Variants in PYHIN1 observed in about 807,000 individuals in gnomAD.
PYHIN1 encodes pyrin and HIN domain-containing protein 1.
In PYHIN1, 32 loss-of-function variants were observed where a neutral mutation model predicts 43.7. That is an observed-to-expected ratio of 0.73 (90% CI 0.55 to 0.98). The LOEUF (loss-of-function observed/expected upper bound fraction) is 0.98. Ranked by LOEUF, PYHIN1 falls within the 50% of genes least tolerant of loss-of-function variation. The probability of loss-of-function intolerance (pLI) is 0.00; values close to 1 mark genes in which losing one functional copy is unlikely to be tolerated. For synonymous variants in PYHIN1, 205 were observed against 203.1 expected, an observed-to-expected ratio of 1.01 and a Z score of -0.08; for missense variants, 588 against 589.5, an observed-to-expected ratio of 1.00 and a Z score of 0.03.
rs182205158 is a variant in PYHIN1 at position 158,970,731 on chromosome 1, A to G, written c.1360-2916A>G. Among the ~76,000 whole-genome samples, 35 of 152,148 alleles carry G rather than the reference A, an allele frequency of 2.3e-4. No individual in the cohort carries two copies. In the East Asian group the frequency reaches 5.0e-3, roughly 22 times the overall value. On this transcript the variant is annotated intron_variant, in intron 7 of 8. Transcript: ENST00000368140. ...ATCTGTGAATAGAGCAAACACACAAACACTGCATATACTATAACAATGAAA... is the reference window on the plus strand; with the variant it reads ...ATCTGTGAATAGAGCAAACACACAAGCACTGCATATACTATAACAATGAAA...
chr1:158,955,839 AATTG>A (rs1649885453), intron 7 of PYHIN1, among the ~76,000 whole-genome samples: 1 of 79,146 alleles, frequency 1.3e-5, no homozygotes, highest in Non-Finnish European at 2.8e-5. Context: ...GGATCAACAA[AATTG>A]ATAGACCGCT....
intron 7 of PYHIN1, among the ~76,000 whole-genome samples, chr1:158,955,383 A>G (rs1467762473): frequency 1.3e-5 from 2 of 149,912 alleles, no homozygotes; most frequent in Non-Finnish European, 3.0e-5. Context: ...GTAAAAGAAC[A>G]GAAATTATAA....
At chr1:158,944,808 C>A in intron 6 of PYHIN1, 67 bp from the exon 7 acceptor site, 1 of 1,182,528 alleles carries the variant, frequency 8.5e-7, no homozygotes, top group Non-Finnish European at 1.1e-6. Context: ...GATATTCTCA[C>A]ATATTTAAAG....
chr1:158,973,533 A>C, intron 7 of PYHIN1, 114 bp from the exon 8 acceptor site: 1 of 1,007,132 alleles, frequency 9.9e-7, no homozygotes, highest in Non-Finnish European at 1.5e-6. Flanking sequence ...ACACACACAC[A>C]CACATATACA....
In PYHIN1 at chr1:158,938,537, C is replaced by G; in HGVS notation, c.406C>G (p.Pro136Ala). ...TAAAGGAGCAGAGGAGACTCTTGGA[C>G]CTCAGGTAAGCTTCAGGAAGAGGAG... ...TAKGAEETLG[P>A]QKRKKPSEEE... is the part of the protein sequence containing the mutation. The change falls in exon 3 of 9, where the codon CCT (proline) becomes GCT (alanine). Residue 136 changes from proline to alanine, a missense_variant. By Grantham distance (27) the Pro-to-Ala change is conservative. Transcript: ENST00000368140. 6.2e-7 allele frequency: 1 copy of G among 1,614,010 alleles called. No individual in the cohort carries two copies. The highest frequency in any genetic ancestry group is 8.5e-7 in the Non-Finnish European group (1 of 1,179,956).
rs75523954 is a variant in PYHIN1, at chr1:158,939,277, A to G, written c.579+30A>G. Reference sequence around the variant, plus strand: ...ACTCTTCCTGGTCCCCTTTTGATTCATTTTCTTCAACCCAAAATGTAGGAA... The same window carrying G: ...ACTCTTCCTGGTCCCCTTTTGATTCGTTTTCTTCAACCCAAAATGTAGGAA... On this transcript the variant is annotated intron_variant, in intron 4 of 8. Coordinates refer to ENST00000368140, the MANE Select transcript of PYHIN1 (RefSeq NM_152501.5). 2,154 of 1,581,526 alleles carry G rather than the reference A, an allele frequency of 1.4e-3. 26 individuals carry two copies. The African/African-American group carries it at 0.026, about 19-fold the overall frequency.
chr1:158,963,257 C>G (rs1446400353), intron 7 of PYHIN1, among the ~76,000 whole-genome samples: 1 of 152,288 alleles, frequency 6.6e-6, no homozygotes, highest in Non-Finnish European at 1.5e-5. Context: ...CAGTCTATCT[C>G]TCTTGTGACC....
Position 158,956,555 on chromosome 1 carries a change from C to G in PYHIN1, c.1359+11513C>G, listed in dbSNP as rs915209207. Among the ~76,000 whole-genome samples the G allele has an allele frequency of 9.2e-5, 14 of 151,696 alleles. No homozygotes were observed. The South Asian group carries it at 1.3e-3, about 14-fold the overall frequency. ...AAAGCCTTTGACAAAATTCAACAAC[C>G]CTTCATGCTAAAAACTCTCAATAAA... On this transcript the variant is annotated intron_variant, in intron 7 of 8. Transcript: ENST00000368140.
In PYHIN1 at chr1:158,939,205, C is replaced by G. The variant is rs1168706524; in HGVS notation, c.537C>G (p.Pro179=). 2 of 1,611,138 alleles carry G rather than the reference C, an allele frequency of 1.2e-6. No individual in the cohort carries two copies. Among genetic ancestry groups the G allele is most frequent in the South Asian group, 2.2e-5 (2 of 90,232 alleles). ...TSTAMGRSPP[P]QTSSSAPPNT... ...CAGCCATGGGCCGTTCCCCACCTCCCCAGACCTCATCATCAGCTCCACCCA... is the reference window on the plus strand; with the variant it reads ...CAGCCATGGGCCGTTCCCCACCTCCGCAGACCTCATCATCAGCTCCACCCA... The change falls in exon 4 of 9, where the codon CCC becomes CCG. Residue 179 remains proline (P), a synonymous_variant. Coordinates refer to ENST00000368140, the MANE Select transcript of PYHIN1 (RefSeq NM_152501.5).
the PYHIN1 span, among the ~76,000 whole-genome samples, chr1:158,984,028 G>GTTTTTTTTTTTTTTTTTTTTTTTTTT: frequency 1.8e-5 from 2 of 111,208 alleles, no homozygotes; most frequent in African/African-American, 7.1e-5. Flanking sequence ...ATCTTCTCCT[G>GTTTTTTTTTTTTTTTTTTTTTTTTTT]TTTTTTTTTT....
the PYHIN1 span, among the ~76,000 whole-genome samples, chr1:158,988,290 A>G: frequency 6.6e-6 from 1 of 152,210 alleles, no homozygotes; most frequent in Non-Finnish European, 1.5e-5. Flanking sequence ...AATTGGTATC[A>G]GCTGGAAGAA....
At chr1:158,982,362 C>T in the PYHIN1 span, among the ~76,000 whole-genome samples, 142,099 of 152,218 alleles carry the variant, frequency 0.93, 67,117 homozygotes, top group East Asian at 1. Context: ...TGTATATAAC[C>T]AGCCAGTTAT....
intron 7 of PYHIN1, among the ~76,000 whole-genome samples, chr1:158,959,946 A>G (rs1323133522): frequency 6.6e-6 from 1 of 152,186 alleles, no homozygotes; most frequent in East Asian, 1.9e-4. Flanking sequence ...GCCTGTATTT[A>G]TGGTGAAAGG....
intron 1 of PYHIN1, 142 bp from the exon 2 acceptor site, chr1:158,936,748 TG>T: frequency 2.2e-6 from 1 of 456,618 alleles, no homozygotes; most frequent in Non-Finnish European, 3.8e-6. Flanking sequence ...TCATACTGAA[TG>T]GAGAAAAACT....
chr1:158,959,507 A>G (rs1457373981), intron 7 of PYHIN1, among the ~76,000 whole-genome samples: 1 of 150,280 alleles, frequency 6.7e-6, no homozygotes, highest in African/African-American at 2.5e-5. Context: ...ACTTTAAGCT[A>G]TTTACTCAAG....
At chr1:158,961,339 T>C (rs1650307467) in intron 7 of PYHIN1, among the ~76,000 whole-genome samples, 2 of 152,138 alleles carry the variant, frequency 1.3e-5, no homozygotes, top group Admixed American at 1.3e-4. Flanking sequence ...ATGATGTCAT[T>C]ATTAGTCACA....
At chr1:158,980,201 A>C (rs1410324919), downstream of PYHIN1, among the ~76,000 whole-genome samples, 3 of 152,124 alleles carry the variant, frequency 2.0e-5, no homozygotes, top group Non-Finnish European at 4.4e-5. Context: ...TCCTTACTTA[A>C]ATCTTTTAAT....
intron 7 of PYHIN1, among the ~76,000 whole-genome samples, chr1:158,962,647 C>T (rs978009541): frequency 6.6e-6 from 1 of 152,154 alleles, no homozygotes; most frequent in African/African-American, 2.4e-5. Flanking sequence ...TAACTGCTCT[C>T]GAGCTGGGAA....
chr1:158,956,007 A>C (rs1319142791), intron 7 of PYHIN1, among the ~76,000 whole-genome samples: 1 of 144,100 alleles, frequency 6.9e-6, no homozygotes, highest in Admixed American at 6.9e-5. Flanking sequence ...ATCTAGAAGA[A>C]ATGGATAAAT....
Sources: gnomAD v4.1 joint callset for allele counts (sites outside exome capture counted in the v4.1 genomes callset) on GRCh38, gnomAD v4.1.1 for gene constraint, MANE v1.5 for transcripts, NCBI Gene and HGNC (gene_info 2026-07-23, HGNC 2026-07-21) for gene names.